LIPN: variants seen among roughly 807,000 people sequenced by gnomAD.
LIPN encodes lipase family member N, also known as lipase member N.
In LIPN, 32 loss-of-function variants were observed where a neutral mutation model predicts 43.7. That is an observed-to-expected ratio of 0.73 (90% confidence interval 0.55 to 0.98). LIPN has a LOEUF of 0.98. LIPN is among the 50% of genes least tolerant of loss of function. The pLI is 0.00. For missense variants in LIPN, 505 were observed against 483.8 expected (o/e 1.04, Z -0.41); for synonymous variants, 156 against 157.6 (o/e 0.99, Z 0.08).
intron 6 of LIPN, chr10:88,769,547 T>C (rs984852270): frequency 4.1e-6 from 4 of 966,682 alleles, no homozygotes; most frequent in Non-Finnish European, 2.5e-6. Flanking sequence ...TTTGTTTCTC[T>C]ACAAAGGTCA....
At chr10:88,773,282 A>C (rs1337326672) in intron 7 of LIPN, among the ~76,000 whole-genome samples, 1 of 151,982 alleles carries the variant, frequency 6.6e-6, no homozygotes, top group Admixed American at 6.6e-5. Flanking sequence ...GGTGAAATTT[A>C]GGAGAATGGA....
chr10:88,758,784 A>G (rs578227139), upstream of LIPN, among the ~76,000 whole-genome samples: 2 of 152,156 alleles, frequency 1.3e-5, no homozygotes, highest in African/African-American at 4.8e-5. Flanking sequence ...AGGAGGGAAT[A>G]TAAGTCAATG....
upstream of LIPN, among the ~76,000 whole-genome samples, chr10:88,759,302 T>C (rs1041469827): frequency 6.6e-6 from 1 of 152,190 alleles, no homozygotes; most frequent in Non-Finnish European, 1.5e-5. Flanking sequence ...TCCCTACCCT[T>C]CTTCATGCTG....
At position 88,774,500 on chromosome 10, in the gene LIPN, G is replaced by A; in HGVS notation, c.847G>A (p.Ala283Thr). The A allele has an allele frequency of 1.9e-6, 3 of 1,610,788 alleles. No individual in the cohort carries two copies. The African/African-American group carries it at 4.0e-5, about 22-fold the overall frequency. ...TCGAATGGATGTGTATATGTCACAT[G>A]CTCCCACTGGTTCATCAGTACACAA... is the stretch of plus-strand genomic sequence containing the variant. The part of the protein sequence containing the change: ...QSRMDVYMSH[A>T]PTGSSVHNIL... The change falls in exon 8 of 10, where the codon GCT (alanine) becomes ACT (threonine). Residue 283 changes from alanine (A) to threonine (T), a missense_variant. Coordinates refer to ENST00000404459, the MANE Select transcript of LIPN (RefSeq NM_001102469.2).
rs1798871107 is a variant in LIPN at position 88,779,169 on chromosome 10, A to G, written c.*927A>G. Among the ~76,000 whole-genome samples the G allele has an allele frequency of 6.6e-6, 1 of 152,210 alleles. No homozygotes were observed. The highest frequency in any genetic ancestry group is 1.5e-5 in the Non-Finnish European group (1 of 68,034). ...TGATTGCCGCATTTTTGTAACCACC[A>G]CTTTGGCTGCTACATAGAGAATGGA... On this transcript the variant is annotated 3_prime_UTR_variant, in exon 10 of 10. Coordinates refer to ENST00000404459, the MANE Select transcript of LIPN (RefSeq NM_001102469.2).
chr10:88,777,007 C>T (rs1446117214), intron 9 of LIPN, among the ~76,000 whole-genome samples: 1 of 152,082 alleles, frequency 6.6e-6, no homozygotes, highest in Non-Finnish European at 1.5e-5. Context: ...TTCTTATCAA[C>T]ATATTTTTAG....
At chr10:88,758,879 TAAGTC>T (rs1052028058), upstream of LIPN, among the ~76,000 whole-genome samples, 1 of 152,124 alleles carries the variant, frequency 6.6e-6, no homozygotes, top group Non-Finnish European at 1.5e-5. Flanking sequence ...ATTTCCATAT[TAAGTC>T]AAGGCAACAA....
At chr10:88,770,440 T>C (rs1162471645) in intron 6 of LIPN, among the ~76,000 whole-genome samples, 1 of 133,000 alleles carries the variant, frequency 7.5e-6, no homozygotes, top group Non-Finnish European at 1.6e-5. Flanking sequence ...GAAAAAAATA[T>C]TGGCAAGCAC....
chr10:88,765,729 G>C (rs1843084387), intron 4 of LIPN, among the ~76,000 whole-genome samples: 1 of 151,884 alleles, frequency 6.6e-6, no homozygotes, highest in Non-Finnish European at 1.5e-5. Context: ...CTGGCAGCCA[G>C]AGTCGTTTCT....
In LIPN at chr10:88,778,264, A is replaced by C; in HGVS notation, c.*22A>C. 2 of 1,544,102 alleles carry C rather than the reference A, an allele frequency of 1.3e-6. No individual in the cohort carries two copies. The highest frequency in any genetic ancestry group is 2.3e-5 in the South Asian group (2 of 85,628). On this transcript the variant is annotated 3_prime_UTR_variant, in exon 10 of 10. Transcript: ENST00000404459. ...CTAAATGCAATGCATTTACTTTTCA[A>C]TTAAAAGTTGCTTCCAAGCCCATAA...
At chr10:88,774,149 AC>A (rs752273960) in intron 7 of LIPN, among the ~76,000 whole-genome samples, 2 of 151,914 alleles carry the variant, frequency 1.3e-5, no homozygotes, top group Non-Finnish European at 2.9e-5. Context: ...TGCATGCATC[AC>A]CCCCACACTT....
chr10:88,775,275 A>C, intron 9 of LIPN, 112 bp downstream of exon 9: 1 of 540,470 alleles, frequency 1.9e-6, no homozygotes, highest in Non-Finnish European at 3.0e-6. Flanking sequence ...TACTGATAGA[A>C]CTTTTTTTTA....
intron 9 of LIPN, among the ~76,000 whole-genome samples, chr10:88,776,841 G>C (rs1375585193): frequency 6.6e-6 from 1 of 151,748 alleles, no homozygotes; most frequent in Admixed American, 6.6e-5. Flanking sequence ...TTCTCTATCA[G>C]AAAATGATGG....
In LIPN at chr10:88,778,702, G is replaced by A. The variant is rs1459520046; in HGVS notation, c.*460G>A. 6.6e-6 allele frequency among the ~76,000 whole-genome samples: 1 copy of A among 152,118 alleles called. No homozygotes were observed. Among genetic ancestry groups the A allele is most frequent in the Non-Finnish European group, 1.5e-5 (1 of 68,012 alleles). On this transcript the variant is annotated 3_prime_UTR_variant, in exon 10 of 10. Transcript: ENST00000404459. ...ATAAAAGTTTCTTAGCTATCCTGAA[G>A]ATGTATAGACATTTTTACTTTTTTA...
Position 88,762,308 on chromosome 10 carries a change from A to G in LIPN, c.226+3A>G. The G allele has an allele frequency of 6.4e-7, 1 of 1,560,512 alleles. No individual in the cohort carries two copies. The highest frequency in any genetic ancestry group is 8.8e-7 in the Non-Finnish European group (1 of 1,137,108). ...GCGAACACATGCTAGGAGCACAGGT[A>G]CAAGATATGTCTCTCCTGAAAAGGG... On this transcript the variant is annotated splice_donor_region_variant and intron_variant, in intron 3 of 9. Coordinates refer to ENST00000404459, the MANE Select transcript of LIPN (RefSeq NM_001102469.2).
At chr10:88,774,833 C>T (rs1166873952) in intron 8 of LIPN, among the ~76,000 whole-genome samples, 1 of 151,890 alleles carries the variant, frequency 6.6e-6, no homozygotes, top group African/African-American at 2.4e-5. Flanking sequence ...ACTGAGACTT[C>T]TCCAGAGAGA....
Position 88,765,547 on chromosome 10 carries a change from G to C in LIPN, c.426-722G>C, listed in dbSNP as rs549675118. 2.6e-5 allele frequency among the ~76,000 whole-genome samples: 4 copies of C among 151,858 alleles called. No homozygotes were observed. The South Asian group carries it at 8.3e-4, about 32-fold the overall frequency. ...CCTCACATGTTCTTTTAATAAACAGGCTTCTAGCTTATGGAATACTTGATT... is the reference window on the plus strand; with the variant it reads ...CCTCACATGTTCTTTTAATAAACAGCCTTCTAGCTTATGGAATACTTGATT... On this transcript the variant is annotated intron_variant, in intron 4 of 9. Transcript: ENST00000404459.
At chr10:88,761,093 A>C (rs974304814) in intron 1 of LIPN, among the ~76,000 whole-genome samples, 14 of 152,232 alleles carry the variant, frequency 9.2e-5, no homozygotes, top group African/African-American at 3.1e-4. Flanking sequence ...TATTTTGTCA[A>C]ATTGTAGGCA....
rs79640881 is a variant in LIPN, at chr10:88,765,593, C to A, written c.426-676C>A. Reference sequence around the variant, plus strand: ...TGATTTGACTAAATGTTATATAGGCCCTTTTGTTCCTCCTGTCTGAAGAAC... The same window carrying A: ...TGATTTGACTAAATGTTATATAGGCACTTTTGTTCCTCCTGTCTGAAGAAC... On this transcript the variant is annotated intron_variant, in intron 4 of 9. Coordinates refer to ENST00000404459, the MANE Select transcript of LIPN (RefSeq NM_001102469.2). 5.8e-3 allele frequency among the ~76,000 whole-genome samples: 887 copies of A among 151,762 alleles called. 2 individuals carry two copies. The highest frequency in any genetic ancestry group is 9.7e-3 in the Non-Finnish European group (657 of 67,866).
Sources: allele counts gnomAD v4.1 joint callset (sites outside exome capture counted in the v4.1 genomes callset), GRCh38; gene constraint gnomAD v4.1.1; transcripts MANE v1.5; gene names NCBI Gene and HGNC (gene_info 2026-07-23, HGNC 2026-07-21).